Variants in DPP6 observed in about 807,000 individuals in gnomAD.
DPP6 encodes dipeptidyl peptidase like 6.
DPP6 carries 69 observed loss-of-function variants against 122.6 expected under a neutral mutation model. The observed-to-expected ratio is 0.56, with a 90% CI of 0.46 to 0.69. The LOEUF (loss-of-function observed/expected upper bound fraction) is 0.69. Ranked by LOEUF, DPP6 falls within the 30% of genes least tolerant of loss-of-function variation. DPP6 has a pLI of 0.00. For missense variants in DPP6, 928 were observed against 1,116.9 expected (o/e 0.83, Z 2.41); for synonymous variants, 418 against 433.1 (o/e 0.97, Z 0.43).
intron 5 of DPP6, among the ~76,000 whole-genome samples, chr7:154,626,745 A>G (rs1835092794): frequency 6.6e-6 from 1 of 152,200 alleles, no homozygotes; most frequent in African/African-American, 2.4e-5. Context: ...TAAATACTGA[A>G]TCCTAAGGAT....
rs1448197151 is a variant in DPP6 at position 154,801,390 on chromosome 7, GT to G, written c.1340del (p.Phe447SerfsTer41). 1 of 1,597,216 alleles carries G rather than the reference GT, an allele frequency of 6.3e-7. No individual in the cohort carries two copies. The highest frequency in any genetic ancestry group is 1.3e-5 in the African/African-American group (1 of 74,826). ...CTGTGTTCTCCAAGGATGGCCGAAA[GT>G]TTTTCTTCATCAGAGCCATCCCCCA... is the stretch of plus-strand genomic sequence containing the variant. ...EPVFSKDGRK[F>X]FFIRAIPQGG... On this transcript the variant is annotated frameshift_variant, in exon 13 of 26. Coordinates refer to ENST00000377770, the MANE Select transcript of DPP6 (RefSeq NM_130797.4). LOFTEE classifies it high-confidence loss of function.
At chr7:154,181,332 A>G (rs1361011383) in intron 1 of DPP6, among the ~76,000 whole-genome samples, 3 of 152,316 alleles carry the variant, frequency 2.0e-5, no homozygotes, top group South Asian at 2.1e-4. Flanking sequence ...GTGACAAGGC[A>G]TCATGGGAGA....
intron 1 of DPP6, among the ~76,000 whole-genome samples, chr7:154,339,144 T>C (rs908793362): frequency 5.3e-5 from 8 of 152,238 alleles, no homozygotes; most frequent in Admixed American, 5.2e-4. Flanking sequence ...TCAACATTCA[T>C]AGACTGTAGG....
chr7:154,175,273 T>C (rs914074127), intron 1 of DPP6, among the ~76,000 whole-genome samples: 1 of 152,036 alleles, frequency 6.6e-6, no homozygotes, highest in African/African-American at 2.4e-5. Context: ...ACTTTGCAGA[T>C]GGAATTAAGG....
chr7:154,530,427 A>C (rs1907617), intron 3 of DPP6, among the ~76,000 whole-genome samples: 24,569 of 152,176 alleles, frequency 0.16, 2,013 homozygotes, highest in South Asian at 0.22. Context: ...AATGCAAATC[A>C]AAACCATAAT....
the DPP6 span, among the ~76,000 whole-genome samples, chr7:153,785,718 G>T: frequency 6.6e-6 from 1 of 151,858 alleles, no homozygotes; most frequent in Admixed American, 6.6e-5. Flanking sequence ...TGCCACCTAA[G>T]GTCACTGTAC....
chr7:154,730,414 A>G (rs1842280479), intron 8 of DPP6, among the ~76,000 whole-genome samples: 1 of 152,104 alleles, frequency 6.6e-6, no homozygotes, highest in South Asian at 2.1e-4. Context: ...TGCCCCAAAC[A>G]CTACACTTCC....
chr7:154,587,402 C>T (rs1563898541), intron 5 of DPP6: 1 of 572,536 alleles, frequency 1.7e-6, no homozygotes, highest in South Asian at 2.1e-5. Flanking sequence ...CTTGCCAGGA[C>T]CAATGCTGCC....
chr7:154,623,629 ATG>A (rs1282728629), intron 5 of DPP6, among the ~76,000 whole-genome samples: 17 of 149,776 alleles, frequency 1.1e-4, no homozygotes, highest in Non-Finnish European at 2.4e-4. Flanking sequence ...ACGCGCACAC[ATG>A]CGTGCACACA....
chr7:153,868,080 A>G, the DPP6 span, among the ~76,000 whole-genome samples: 1 of 152,034 alleles, frequency 6.6e-6, no homozygotes, highest in South Asian at 2.1e-4. Context: ...TTTTTGCATC[A>G]ATGTTCATCA....
intron 1 of DPP6, among the ~76,000 whole-genome samples, chr7:154,353,368 C>A (rs372115354): frequency 6.6e-6 from 1 of 152,080 alleles, no homozygotes; most frequent in African/African-American, 2.4e-5. Flanking sequence ...TGCAAGCAGA[C>A]GTGCCCAGTA....
chr7:154,007,346 A>C (rs1318561129), intron 1 of DPP6, among the ~76,000 whole-genome samples: 1 of 152,192 alleles, frequency 6.6e-6, no homozygotes, highest in Non-Finnish European at 1.5e-5. Flanking sequence ...TGGTTTTCAA[A>C]GTTTGTTGTT....
chr7:154,385,136 A>AT (rs1366865229), intron 1 of DPP6, among the ~76,000 whole-genome samples: 6 of 152,104 alleles, frequency 3.9e-5, no homozygotes, highest in Admixed American at 1.3e-4. Flanking sequence ...TGCCTGGCTA[A>AT]TTTTTTATAT....
chr7:153,920,905 A>G (rs1800609385), intron 1 of DPP6, among the ~76,000 whole-genome samples: 1 of 152,108 alleles, frequency 6.6e-6, no homozygotes, highest in South Asian at 2.1e-4. Context: ...CACCAATTTC[A>G]CTATCATCAT....
chr7:154,280,982 A>ATTTT (rs1427378555), intron 1 of DPP6, among the ~76,000 whole-genome samples: 1 of 116,052 alleles, frequency 8.6e-6, no homozygotes, highest in African/African-American at 3.8e-5. Context: ...TTTATTTCTT[A>ATTTT]TTTTATTTAT....
chr7:154,331,299 T>C (rs539162408), intron 1 of DPP6, among the ~76,000 whole-genome samples: 1 of 152,298 alleles, frequency 6.6e-6, no homozygotes, highest in Non-Finnish European at 1.5e-5. Context: ...TGGCTTTTTG[T>C]GAGAGGGATG....
intron 8 of DPP6, among the ~76,000 whole-genome samples, chr7:154,731,986 G>A (rs1842360453): frequency 6.6e-6 from 1 of 151,972 alleles, no homozygotes; most frequent in Non-Finnish European, 1.5e-5. Flanking sequence ...TTACATGGTT[G>A]ATTGTGTTTC....
rs114877333 is a variant in DPP6 at position 154,210,040 on chromosome 7, G to A, written c.243+156977G>A. 6.9e-3 allele frequency among the ~76,000 whole-genome samples: 1,046 copies of A among 152,258 alleles called. 14 individuals carry two copies. The highest frequency in any genetic ancestry group is 0.024 in the African/African-American group (999 of 41,540). ...TTCAAACTCCACCCTCTCTGGCTTG[G>A]TTGGGAAAACCTCATTACTCTCAAT... On this transcript the variant is annotated intron_variant, in intron 1 of 25. Coordinates refer to ENST00000377770, the MANE Select transcript of DPP6 (RefSeq NM_130797.4).
chr7:154,363,204 G>T (rs554558965), intron 1 of DPP6, among the ~76,000 whole-genome samples: 1 of 152,188 alleles, frequency 6.6e-6, no homozygotes, highest in African/African-American at 2.4e-5. Flanking sequence ...CTGAGGGTTG[G>T]CCATGAACTG....
Sources: gnomAD v4.1 joint callset for allele counts (sites outside exome capture counted in the v4.1 genomes callset) on GRCh38, gnomAD v4.1.1 for gene constraint, MANE v1.5 for transcripts, NCBI Gene and HGNC (gene_info 2026-07-23, HGNC 2026-07-21) for gene names.